CCDC88A: variants seen among roughly 807,000 people sequenced by gnomAD.
The protein encoded by CCDC88A is girdin.
Under a neutral mutation model 234.3 loss-of-function variants are expected in CCDC88A, and 54 were observed. That is an observed-to-expected ratio of 0.23 (90% CI 0.19 to 0.29). The LOEUF (loss-of-function observed/expected upper bound fraction) is 0.29, where lower values mean the gene tolerates loss of function less well. CCDC88A is among the 10% of genes least tolerant of loss of function. The pLI, the probability that CCDC88A is intolerant of heterozygous loss-of-function variation, is 1.00. For synonymous variants in CCDC88A, 753 were observed against 737.8 expected (o/e 1.02, Z -0.33); for missense variants, 1,832 against 2,123.4 (o/e 0.86, Z 2.70).
At chr2:55,372,400 A>C in intron 5 of CCDC88A, 52 bp downstream of exon 5, 2 of 885,436 alleles carry the variant, frequency 2.3e-6, no homozygotes, top group Non-Finnish European at 1.8e-6. Flanking sequence ...GCCTGATAAA[A>C]ATATATAAAG....
In CCDC88A at chr2:55,334,132, C is replaced by T. The variant is rs1685233110; in HGVS notation, c.2689G>A (p.Ala897Thr). ...EKENKELVKRATIDIKTLVTL... is the reference protein window; with the variant it reads ...EKENKELVKRTTIDIKTLVTL... The stretch of plus-strand genomic sequence containing the variant: ...ACCAACGTTTTTATATCAATAGTTG[C>T]TCTTTTCACAAGCTCCTTATTTTCT... Residue 897 changes from alanine to threonine, a missense_variant, in exon 15 of 33, where the codon GCA (alanine) becomes ACA (threonine). This residue lies in a region of CCDC88A where 1,282 missense variants were observed against 1,543.6 expected (regional missense o/e 0.83). Coordinates refer to ENST00000436346, the MANE Select transcript of CCDC88A (RefSeq NM_001365480.1). The surrounding 1 kb of genome is among the most constrained non-coding windows in gnomAD (Gnocchi z 6.1). 7.5e-7 allele frequency: 1 copy of T among 1,331,000 alleles called. No homozygotes were observed. The highest frequency in any genetic ancestry group is 9.7e-7 in the Non-Finnish European group (1 of 1,033,608). 82.4% of individuals were successfully genotyped at this position (1,331,000 alleles called of 1,614,324 possible).
At position 55,388,796 on chromosome 2, in the gene CCDC88A, C is replaced by T. The variant is rs1199985577; in HGVS notation, c.255G>A (p.Gln85=). ...RMHNLSILVR[Q]IKFYYQETLQ... ...CACTTACCTGGTAATAAAATTTTAT[C>T]TGTCTCACCAAAATGGATAGATTGT... The change falls in exon 3 of 33, where the codon CAG becomes CAA. Residue 85 remains glutamine, a synonymous_variant. Transcript: ENST00000436346. 2 of 1,458,448 alleles carry T rather than the reference C, an allele frequency of 1.4e-6. No individual in the cohort carries two copies. Among genetic ancestry groups the T allele is most frequent in the Non-Finnish European group, 1.9e-6 (2 of 1,060,236 alleles). The allele number at this position is 1,458,448 out of a possible 1,614,324, so 90.3% of individuals were successfully genotyped here.
intron 2 of CCDC88A, among the ~76,000 whole-genome samples, chr2:55,402,079 T>C (rs572713625): frequency 1.3e-5 from 2 of 152,132 alleles, no homozygotes; most frequent in Admixed American, 6.5e-5. Context: ...AACCCCTTTT[T>C]ACTCTTTAAA....
intron 29 of CCDC88A, among the ~76,000 whole-genome samples, chr2:55,297,340 TTATATATTATATATAAATATATATAA>T (rs70949100): frequency 3.8e-4 from 14 of 36,862 alleles, no homozygotes; most frequent in East Asian, 8.5e-4. Flanking sequence ...ATATATAAAT[TTATATATTATATATAAATATATATAA>T]TATATATTAT....
chr2:55,419,450 C>T lies in CCDC88A; in HGVS notation c.-371G>A, dbSNP rs1574559568. The T allele has an allele frequency of 1.3e-5, 3 of 226,638 alleles. No individual in the cohort carries two copies. In the East Asian group the frequency reaches 3.5e-4, roughly 26 times the overall value. The allele number at this position is 226,638 out of a possible 1,614,324, so 14.0% of individuals were successfully genotyped here. A position where few individuals can be genotyped will look rare whatever the true frequency, so the allele number is the denominator to read the frequency against. ...AGGATCCAGACCAGCGAAACTGCTC[C>T]CAATGAATCAATCCCAACGGGGGCT... On this transcript the variant is annotated 5_prime_UTR_variant, in exon 1 of 33. Coordinates refer to ENST00000436346, the MANE Select transcript of CCDC88A (RefSeq NM_001365480.1).
In CCDC88A at chr2:55,366,538, C is replaced by T. The variant is rs554084072; in HGVS notation, c.403-2505G>A. On this transcript the variant is annotated intron_variant, in intron 5 of 32. Coordinates refer to ENST00000436346, the MANE Select transcript of CCDC88A (RefSeq NM_001365480.1). ...CAAGACTCTGTCACACACACATACA[C>T]ACACACACACACACACACACACACA... Among the ~76,000 whole-genome samples, 408 of 64,106 alleles carry T rather than the reference C, an allele frequency of 6.4e-3. 2 individuals carry two copies. The highest frequency in any genetic ancestry group is 0.027 in the African/African-American group (357 of 13,450). The allele number at this position is 64,106 out of a possible 152,430, so 42.1% of individuals were successfully genotyped here.
chr2:55,303,984 G>T (rs1317363052), intron 25 of CCDC88A, among the ~76,000 whole-genome samples: 2 of 152,038 alleles, frequency 1.3e-5, no homozygotes, highest in South Asian at 4.1e-4. Context: ...CAAAAATTAG[G>T]GTGCCCAGGG....
intron 2 of CCDC88A, among the ~76,000 whole-genome samples, chr2:55,410,484 G>C (rs1193792408): frequency 6.6e-6 from 1 of 152,176 alleles, no homozygotes; most frequent in African/African-American, 2.4e-5. Context: ...TAAATATTTA[G>C]GCCTATTGTG....
intron 2 of CCDC88A, among the ~76,000 whole-genome samples, chr2:55,391,032 T>C (rs1048154007): frequency 4.6e-5 from 7 of 152,162 alleles, no homozygotes; most frequent in Admixed American, 4.6e-4. Context: ...ATTGTGCATG[T>C]ATAACCTAAA....
chr2:55,410,779 G>C (rs1680341447), intron 2 of CCDC88A, among the ~76,000 whole-genome samples: 1 of 152,034 alleles, frequency 6.6e-6, no homozygotes, highest in Non-Finnish European at 1.5e-5. Flanking sequence ...AGTAGTCCTA[G>C]CTACTCAGGA....
At chr2:55,346,149 C>A (rs1558711262) in intron 10 of CCDC88A, 26 bp downstream of exon 10, 2 of 1,529,812 alleles carry the variant, frequency 1.3e-6, no homozygotes, top group East Asian at 2.3e-5. Flanking sequence ...AAAAAAAAAT[C>A]ATGAATGGTT....
intron 8 of CCDC88A, among the ~76,000 whole-genome samples, chr2:55,350,880 G>C (rs1669788287): frequency 6.6e-6 from 1 of 152,036 alleles, no homozygotes. Context: ...TTGAGCTCCT[G>C]GCCTCAAGCA....
intron 2 of CCDC88A, among the ~76,000 whole-genome samples, chr2:55,400,779 A>G (rs910079386): frequency 2.0e-5 from 3 of 152,262 alleles, no homozygotes; most frequent in Admixed American, 2.0e-4. Flanking sequence ...GTCCTCTTGG[A>G]CCATCTGTTC....
In CCDC88A at chr2:55,309,855, T is replaced by C. The variant is rs757211022; in HGVS notation, c.4080-601A>G. Among the ~76,000 whole-genome samples, 1 of 152,110 alleles carries C rather than the reference T, an allele frequency of 6.6e-6. No individual in the cohort carries two copies. Among genetic ancestry groups the C allele is most frequent in the African/African-American group, 2.4e-5 (1 of 41,424 alleles). Reference sequence around the variant, plus strand: ...ATAATAAATAGCTTTGTTTACAATATAGGAGAGAAGATATATCCATAAATT... The same window carrying C: ...ATAATAAATAGCTTTGTTTACAATACAGGAGAGAAGATATATCCATAAATT... On this transcript the variant is annotated intron_variant, in intron 23 of 32. Coordinates refer to ENST00000436346, the MANE Select transcript of CCDC88A (RefSeq NM_001365480.1). The surrounding 1 kb of genome is among the most constrained non-coding windows in gnomAD (Gnocchi z 5.1).
chr2:55,355,221 C>A, intron 8 of CCDC88A: 1 of 210,994 alleles, frequency 4.7e-6, no homozygotes, highest in Non-Finnish European at 9.4e-6. Context: ...AGGTGTAAAA[C>A]ATTAATTTTA....
intron 9 of CCDC88A, among the ~76,000 whole-genome samples, chr2:55,347,760 C>T (rs1669353433): frequency 6.6e-6 from 1 of 151,472 alleles, no homozygotes. Context: ...TACAGGTGTG[C>T]ACCACCACAC....
chr2:55,347,209 G>C (rs1468306132), intron 9 of CCDC88A, among the ~76,000 whole-genome samples: 2 of 152,020 alleles, frequency 1.3e-5, no homozygotes, highest in East Asian at 3.8e-4. Flanking sequence ...AATGTCATTT[G>C]AGACAAATAT....
At chr2:55,295,521 T>A in intron 31 of CCDC88A, 76 bp downstream of exon 31, 4 of 1,612,814 alleles carry the variant, frequency 2.5e-6, no homozygotes, top group Middle Eastern at 3.3e-4. Context: ...AGCTAAATCA[T>A]TTTGGGCACA....
intron 17 of CCDC88A, among the ~76,000 whole-genome samples, chr2:55,327,169 G>A (rs1479758507): frequency 6.6e-6 from 1 of 152,012 alleles, no homozygotes; most frequent in African/African-American, 2.4e-5. Context: ...TATGTTCGAT[G>A]GCAATGTCTG....
Sources: allele counts gnomAD v4.1 joint callset (sites outside exome capture counted in the v4.1 genomes callset), GRCh38; gene constraint gnomAD v4.1.1; regional missense constraint gnomAD v4.1.1; non-coding constraint Gnocchi (gnomAD v3.1); transcripts MANE v1.5; gene names NCBI Gene and HGNC (gene_info 2026-07-23, HGNC 2026-07-21).